Variants in AK8 observed in about 807,000 individuals in gnomAD.
AK8 encodes ATP-AMP transphosphorylase 8.
AK8 carries 44 observed loss-of-function variants against 54.6 expected under a neutral mutation model. The observed-to-expected ratio is 0.81, with a 90% CI of 0.63 to 1.04. The LOEUF is 1.04. AK8 is among the 50% of genes least tolerant of loss of function. The pLI, the probability that AK8 is intolerant of heterozygous loss-of-function variation, is 0.00. For synonymous variants in AK8, 239 were observed against 245.6 expected (o/e 0.97, Z 0.25); for missense variants, 555 against 613.6 (o/e 0.90, Z 1.01).
At chr9:132,750,692 C>T (rs770573946) in intron 11 of AK8, among the ~76,000 whole-genome samples, 3 of 151,982 alleles carry the variant, frequency 2.0e-5, no homozygotes, top group Non-Finnish European at 2.9e-5. Context: ...CACCAGGGCG[C>T]GAGCTCCCCC....
chr9:132,825,847 T>TAA (rs1841846782), intron 8 of AK8, among the ~76,000 whole-genome samples: 1 of 152,236 alleles, frequency 6.6e-6, no homozygotes, highest in Admixed American at 6.5e-5. Context: ...TCAAGTGTCT[T>TAA]AAATATCTGT....
At chr9:132,817,610 T>C (rs1841386956) in intron 9 of AK8, among the ~76,000 whole-genome samples, 1 of 152,052 alleles carries the variant, frequency 6.6e-6, no homozygotes, top group African/African-American at 2.4e-5. Flanking sequence ...AATCACTAGG[T>C]GTGCTGCAAT....
intron 2 of AK8, 71 bp from the exon 3 acceptor site, chr9:132,867,024 G>A (rs1207921959): frequency 1.4e-6 from 2 of 1,447,162 alleles, no homozygotes; most frequent in Non-Finnish European, 1.9e-6. Context: ...CGGTACTCGG[G>A]GTGTACTTAT....
intron 4 of AK8, among the ~76,000 whole-genome samples, chr9:132,857,239 T>TG (rs940127517): frequency 6.6e-6 from 1 of 152,196 alleles, no homozygotes; most frequent in Non-Finnish European, 1.5e-5. Flanking sequence ...GGCCCCAGCC[T>TG]GGGAGCTCTG....
At chr9:132,811,156 C>T (rs1471094714) in intron 10 of AK8, among the ~76,000 whole-genome samples, 1 of 152,192 alleles carries the variant, frequency 6.6e-6, no homozygotes, top group Non-Finnish European at 1.5e-5. Context: ...ATTCAAATGG[C>T]TGGCCATGGC....
chr9:132,838,124 G>A (rs181629661), intron 5 of AK8, among the ~76,000 whole-genome samples: 1,904 of 152,296 alleles, frequency 0.013, 36 homozygotes, highest in Middle Eastern at 0.02. Context: ...ACCACAAGGA[G>A]AAATAAAACA....
At chr9:132,872,762 T>C (rs1843907665) in intron 2 of AK8, among the ~76,000 whole-genome samples, 1 of 152,164 alleles carries the variant, frequency 6.6e-6, no homozygotes, top group Admixed American at 6.5e-5. Flanking sequence ...GCCTCCTGAG[T>C]AGCTTGGATT....
At chr9:132,834,501 G>A (rs1225197552) in intron 5 of AK8, among the ~76,000 whole-genome samples, 3 of 152,116 alleles carry the variant, frequency 2.0e-5, no homozygotes, top group East Asian at 1.9e-4. Flanking sequence ...AGCACTGAAC[G>A]TGGAATGCAC....
chr9:132,863,536 T>C, intron 4 of AK8, 129 bp downstream of exon 4: 1 of 652,880 alleles, frequency 1.5e-6, no homozygotes, highest in Non-Finnish European at 2.7e-6. Context: ...TATCTCATTT[T>C]ACCCCAGCAT....
chr9:132,801,995 A>G (rs915678694), intron 10 of AK8, among the ~76,000 whole-genome samples: 5 of 152,186 alleles, frequency 3.3e-5, no homozygotes, highest in African/African-American at 1.2e-4. Context: ...GATGAGGACT[A>G]GAGGCCCAAA....
At chr9:132,866,191 C>G (rs368905035) in intron 3 of AK8, among the ~76,000 whole-genome samples, 62 of 152,260 alleles carry the variant, frequency 4.1e-4, no homozygotes, top group African/African-American at 1.3e-3. Flanking sequence ...CAGTGATACT[C>G]TGTCTGAAAA....
intron 5 of AK8, among the ~76,000 whole-genome samples, chr9:132,839,642 T>C (rs966160537): frequency 3.9e-5 from 6 of 152,242 alleles, no homozygotes; most frequent in South Asian, 4.1e-4. Context: ...CAGTGTCGCT[T>C]TGACTCCGGC....
chr9:132,769,938 T>C (rs922134866), intron 11 of AK8: 1 of 152,168 alleles, frequency 6.6e-6, no homozygotes, highest in African/African-American at 2.4e-5. Context: ...CATAATTGGG[T>C]CTTCAACAGG....
intron 8 of AK8, 133 bp from the exon 9 acceptor site, chr9:132,823,469 T>A: frequency 7.8e-7 from 1 of 1,280,954 alleles, no homozygotes; most frequent in Non-Finnish European, 1.1e-6. Flanking sequence ...AAGCCCTCTG[T>A]GCATCTGGCG....
chr9:132,856,007 C>A (rs545780976), intron 4 of AK8, among the ~76,000 whole-genome samples: 1 of 152,104 alleles, frequency 6.6e-6, no homozygotes, highest in Non-Finnish European at 1.5e-5. Flanking sequence ...GGAAGCTGAG[C>A]CTGGGAGAGG....
At chr9:132,778,389 G>C (rs1213303223) in intron 11 of AK8, among the ~76,000 whole-genome samples, 1 of 152,162 alleles carries the variant, frequency 6.6e-6, no homozygotes, top group East Asian at 1.9e-4. Context: ...CCATTTCCTA[G>C]TTCAGGCCTC....
intron 11 of AK8, among the ~76,000 whole-genome samples, chr9:132,779,990 A>G (rs145337593): frequency 2.0e-4 from 31 of 152,288 alleles, no homozygotes; most frequent in African/African-American, 7.5e-4. Context: ...CAACTGCATA[A>G]TCAGCACTCA....
chr9:132,876,227 T>C (rs1019250987), intron 1 of AK8, among the ~76,000 whole-genome samples: 1 of 152,206 alleles, frequency 6.6e-6, no homozygotes, highest in African/African-American at 2.4e-5. Context: ...GTAGCACAGC[T>C]GGAGTGAATT....
In AK8 at chr9:132,826,435, G is replaced by A. The variant is rs779215093; in HGVS notation, c.757+419C>T. ...GAAGCATACCACCTGTGCTGTGTGT[G>A]TGTGTTTTATTGTGTTGTGTGTGGT... On this transcript the variant is annotated intron_variant, in intron 8 of 12. Coordinates refer to ENST00000298545, the MANE Select transcript of AK8 (RefSeq NM_152572.3). The surrounding 1 kb of genome is among the most constrained non-coding windows in gnomAD (Gnocchi z 4.5). 4.4e-4 allele frequency among the ~76,000 whole-genome samples: 67 copies of A among 152,330 alleles called. No homozygotes were observed. Among genetic ancestry groups the A allele is most frequent in the Middle Eastern group, 3.4e-3 (1 of 294 alleles).
Sources: allele counts gnomAD v4.1 joint callset (sites outside exome capture counted in the v4.1 genomes callset), GRCh38; gene constraint gnomAD v4.1.1; non-coding constraint Gnocchi (gnomAD v3.1); transcripts MANE v1.5; gene names NCBI Gene and HGNC (gene_info 2026-07-23, HGNC 2026-07-21).